The following GCNT1 variants were observed in gnomAD, a reference collection of about 807,000 sequenced individuals.
The protein encoded by GCNT1 is beta-1,3-galactosyl-O-glycosyl-glycoprotein beta-1,6-N-acetylglucosaminyltransferase.
Under a neutral mutation model 26.2 loss-of-function variants are expected in GCNT1, and 16 were observed. The ratio of observed to expected loss-of-function variants is 0.61; its 90% CI spans 0.41 to 0.93. The LOEUF is 0.93. Ranked by LOEUF, GCNT1 falls within the 40% of genes least tolerant of loss-of-function variation. The pLI is 0.00. For missense variants in GCNT1, 477 were observed against 526.7 expected (o/e 0.91, Z 0.92); for synonymous variants, 183 against 190.8 (o/e 0.96, Z 0.34).
chr9:76,489,376 T>C (rs1176654084), intron 2 of GCNT1, among the ~76,000 whole-genome samples: 1 of 152,200 alleles, frequency 6.6e-6, no homozygotes, highest in East Asian at 1.9e-4. Context: ...GTGTTACAGC[T>C]CTTAAAGGTG....
chr9:76,502,761 T>C lies in GCNT1; in HGVS notation c.380T>C (p.Ile127Thr), dbSNP rs975587504. 1.4e-5 allele frequency: 23 copies of C among 1,614,062 alleles called. No homozygotes were observed. The highest frequency in any genetic ancestry group is 2.2e-5 in the East Asian group (1 of 44,898). Residue 127 changes from isoleucine (I) to threonine (T), a missense_variant, in exon 4 of 4, where the codon ATA (isoleucine) becomes ACA (threonine). Physicochemically the swap from Ile to Thr is moderately conservative, Grantham distance 89 (BLOSUM62 -1). Transcript: ENST00000376730. ...GCGGAGTTTCCAATAGCATATTCTA[T>C]AGTGGTTCATCACAAGATTGAAATG... Reference protein sequence around the residue: ...EEAEFPIAYSIVVHHKIEMLD... With the variant: ...EEAEFPIAYSTVVHHKIEMLD...
At chr9:76,419,608 A>G (rs151045050), upstream of GCNT1, among the ~76,000 whole-genome samples, 2 of 152,240 alleles carry the variant, frequency 1.3e-5, no homozygotes, top group African/African-American at 4.8e-5. Context: ...CAGTGAGCCA[A>G]TATCATGCGA....
chr9:76,466,288 C>CT (rs1214768615), intron 2 of GCNT1, among the ~76,000 whole-genome samples: 4 of 152,008 alleles, frequency 2.6e-5, no homozygotes, highest in Non-Finnish European at 5.9e-5. Flanking sequence ...TAAACATGCT[C>CT]TAATGCTACT....
At position 76,467,088 on chromosome 9, in the gene GCNT1, G is replaced by A. The variant is rs1397169488; in HGVS notation, c.-290+6911G>A. Among the ~76,000 whole-genome samples the A allele has an allele frequency of 1.3e-5, 2 of 151,874 alleles. 1 individual carries two copies. Among genetic ancestry groups the A allele is most frequent in the Admixed American group, 1.3e-4 (2 of 15,228 alleles). On this transcript the variant is annotated intron_variant, in intron 2 of 3. Transcript: ENST00000376730. ...GATGGAGTCTTGCTCTGTTGCCCAGGCTGGAGTGCAGTGGCACGATCTCAG... is the reference window on the plus strand; with the variant it reads ...GATGGAGTCTTGCTCTGTTGCCCAGACTGGAGTGCAGTGGCACGATCTCAG...
At chr9:76,419,442 G>A (rs536679307), upstream of GCNT1, among the ~76,000 whole-genome samples, 2 of 152,308 alleles carry the variant, frequency 1.3e-5, no homozygotes, top group Admixed American at 1.3e-4. Context: ...GGCCAAGGCG[G>A]GAGAATCGCT....
chr9:76,430,537 A>G (rs1003118588), intron 1 of GCNT1, among the ~76,000 whole-genome samples: 1 of 151,582 alleles, frequency 6.6e-6, no homozygotes, highest in Admixed American at 6.6e-5. Flanking sequence ...GCTTGCCACC[A>G]TGTTCGACTA....
intron 1 of GCNT1, among the ~76,000 whole-genome samples, chr9:76,428,712 T>TTC (rs1823293661): frequency 6.6e-6 from 1 of 151,138 alleles, no homozygotes; most frequent in Non-Finnish European, 1.5e-5. Context: ...TTTTTTTTTT[T>TTC]TTTTTGAGAC....
chr9:76,505,614 C>T lies in GCNT1; in HGVS notation c.*1946C>T, dbSNP rs1395425255. The T allele has an allele frequency of 6.4e-6, 1 of 155,386 alleles. No individual in the cohort carries two copies. The highest frequency in any genetic ancestry group is 1.5e-5 in the Non-Finnish European group (1 of 65,576). The allele number at this position is 155,386 out of a possible 1,614,324, so 9.6% of individuals were successfully genotyped here. ...TTTCATTTTTTATTTTGAAAAATTGCAAATCTACAGCAAAAGTAAAACAGT... is the reference window on the plus strand; with the variant it reads ...TTTCATTTTTTATTTTGAAAAATTGTAAATCTACAGCAAAAGTAAAACAGT... On this transcript the variant is annotated 3_prime_UTR_variant, in exon 4 of 4. Transcript: ENST00000376730.
chr9:76,438,264 C>T, upstream of GCNT1, among the ~76,000 whole-genome samples: 1 of 152,126 alleles, frequency 6.6e-6, no homozygotes, highest in East Asian at 1.9e-4. Context: ...GGTAGGACAA[C>T]TCAAAGGGAG....
chr9:76,393,928 C>T, the GCNT1 span: 1 of 664,550 alleles, frequency 1.5e-6, no homozygotes, highest in East Asian at 3.1e-5. Flanking sequence ...CTCAACCGAG[C>T]CAACGGTCCT....
rs1471665178 is a variant in GCNT1 at position 76,504,591 on chromosome 9, T to A, written c.*923T>A. On this transcript the variant is annotated 3_prime_UTR_variant, in exon 4 of 4. Transcript: ENST00000376730. Reference sequence around the variant, plus strand: ...GATACAGGTTTGAGGGGCTGGGGAGTGGGAGGGGGGAGAAAAGGAATGTAT... The same window carrying A: ...GATACAGGTTTGAGGGGCTGGGGAGAGGGAGGGGGGAGAAAAGGAATGTAT... 2 of 408,170 alleles carry A rather than the reference T, an allele frequency of 4.9e-6. No individual in the cohort carries two copies. The highest frequency in any genetic ancestry group is 4.1e-5 in the African/African-American group (2 of 48,202). The allele number at this position is 408,170 out of a possible 1,614,324, so 25.3% of individuals were successfully genotyped here.
At chr9:76,418,198 T>C (rs1823149150), upstream of GCNT1, among the ~76,000 whole-genome samples, 1 of 152,160 alleles carries the variant, frequency 6.6e-6, no homozygotes, top group African/African-American at 2.4e-5. Flanking sequence ...AGATTGGCAA[T>C]TGGTTGAAAG....
chr9:76,499,926 A>G (rs182414540), intron 2 of GCNT1, among the ~76,000 whole-genome samples: 40 of 152,112 alleles, frequency 2.6e-4, no homozygotes, highest in African/African-American at 9.4e-4. Flanking sequence ...TGTACATTCT[A>G]TTTCTTTATT....
In GCNT1 at chr9:76,506,974, TA is replaced by T. The variant is rs1161796884; in HGVS notation, c.*3308del. 1.2e-5 allele frequency: 2 copies of T among 167,074 alleles called. No homozygotes were observed. The highest frequency in any genetic ancestry group is 2.9e-5 in the Non-Finnish European group (2 of 68,104). 10.3% of individuals were successfully genotyped at this position (167,074 alleles called of 1,614,324 possible). ...TGGGTAGGTCCCAGTAAACCCATTATAATTTGAAAATATCACATTGAAAATG... is the reference window on the plus strand; with the variant it reads ...TGGGTAGGTCCCAGTAAACCCATTATATTTGAAAATATCACATTGAAAATG... On this transcript the variant is annotated 3_prime_UTR_variant, in exon 4 of 4. Coordinates refer to ENST00000376730, the MANE Select transcript of GCNT1 (RefSeq NM_001490.5).
chr9:76,423,812 G>A (rs1322871442), intron 1 of GCNT1, among the ~76,000 whole-genome samples: 1 of 152,168 alleles, frequency 6.6e-6, no homozygotes, highest in African/African-American at 2.4e-5. Flanking sequence ...AATTTCCACT[G>A]TAGAATGGCA....
chr9:76,444,455 A>G (rs1385599751), intron 1 of GCNT1, among the ~76,000 whole-genome samples: 3 of 152,168 alleles, frequency 2.0e-5, no homozygotes, highest in African/African-American at 7.2e-5. Flanking sequence ...GAGTGACGAG[A>G]ACAAAACCAT....
chr9:76,494,710 C>T (rs924167371), intron 2 of GCNT1, among the ~76,000 whole-genome samples: 7 of 152,082 alleles, frequency 4.6e-5, no homozygotes, highest in Admixed American at 3.9e-4. Context: ...GGACTAGCCT[C>T]GGAGAAGAGA....
intron 2 of GCNT1, among the ~76,000 whole-genome samples, chr9:76,494,456 GTTCTCACTTCTCA>G (rs1824847471): frequency 6.6e-6 from 1 of 152,156 alleles, no homozygotes; most frequent in South Asian, 2.1e-4. Context: ...GACACATTTT[GTTCTCACTTCTCA>G]TCATATGAAT....
At chr9:76,488,728 T>A (rs575893203) in intron 2 of GCNT1, among the ~76,000 whole-genome samples, 2 of 152,302 alleles carry the variant, frequency 1.3e-5, no homozygotes, top group African/African-American at 4.8e-5. Flanking sequence ...AGGTGATCTG[T>A]CTGCCTCGTC....
Sources: allele counts gnomAD v4.1 joint callset (sites outside exome capture counted in the v4.1 genomes callset), GRCh38; gene constraint gnomAD v4.1.1; transcripts MANE v1.5; gene names NCBI Gene and HGNC (gene_info 2026-07-23, HGNC 2026-07-21).